Variants in MALRD1 observed in about 807,000 individuals in gnomAD.
MALRD1 encodes MAM and LDL-receptor class A domain-containing protein 1.
A neutral mutation model predicts 242.1 loss-of-function variants in MALRD1; 247 were observed. That is an observed-to-expected ratio of 1.02 (90% confidence interval 0.92 to 1.13). The LOEUF (loss-of-function observed/expected upper bound fraction) is 1.13. Among genes scored for constraint, MALRD1 ranks in the 50% most tolerant of loss-of-function variants. The pLI is 0.00. For synonymous variants in MALRD1, 995 were observed against 866.6 expected (o/e 1.15, Z -2.60); for missense variants, 2,989 against 2,533.1 (o/e 1.18, Z -3.86).
At chr10:19,553,971 T>A (rs991348162) in intron 32 of MALRD1, among the ~76,000 whole-genome samples, 7 of 152,206 alleles carry the variant, frequency 4.6e-5, no homozygotes, top group African/African-American at 1.7e-4. Flanking sequence ...GCTCCTATTA[T>A]GTGCCTGGCA....
At chr10:19,500,850 G>C (rs1837935336) in intron 31 of MALRD1, among the ~76,000 whole-genome samples, 1 of 152,002 alleles carries the variant, frequency 6.6e-6, no homozygotes, top group Non-Finnish European at 1.5e-5. Context: ...TCAAATGCCA[G>C]GCACTTGGCC....
intron 28 of MALRD1, 58 bp from the exon 29 acceptor site, chr10:19,450,249 C>A: frequency 7.0e-7 from 1 of 1,437,228 alleles, no homozygotes; most frequent in African/African-American, 1.4e-5. Flanking sequence ...TTGCCCCACA[C>A]TGCATCATCT....
chr10:19,650,804 C>T (rs1034619214), intron 36 of MALRD1, among the ~76,000 whole-genome samples: 3 of 152,172 alleles, frequency 2.0e-5, no homozygotes, highest in African/African-American at 7.2e-5. Context: ...CAATTCAGCT[C>T]AGGCTCTCCG....
At chr10:19,572,288 T>G (rs1242233010) in intron 33 of MALRD1, among the ~76,000 whole-genome samples, 1 of 152,196 alleles carries the variant, frequency 6.6e-6, no homozygotes, top group African/African-American at 2.4e-5. Flanking sequence ...CCATGTGAGT[T>G]TCCAAGAGAG....
intron 29 of MALRD1, among the ~76,000 whole-genome samples, chr10:19,457,817 T>A (rs1835737256): frequency 6.6e-6 from 1 of 151,522 alleles, no homozygotes; most frequent in African/African-American, 2.4e-5. Context: ...AATAGTAGAA[T>A]GTTTTAATAG....
rs1013431021 is a variant in MALRD1 at position 19,348,005 on chromosome 10, G to A, written c.4136G>A (p.Ser1379Asn). 37 of 1,549,844 alleles carry A rather than the reference G, an allele frequency of 2.4e-5. No individual in the cohort carries two copies. The highest frequency in any genetic ancestry group is 3.1e-5 in the Non-Finnish European group (35 of 1,146,658). ...TCAAGTCCAGTTATAAGTAAGAGAA[G>A]CAAAAACTGCAAGGTATGGGGAAAA... ...RISSPVISKR[S>N]KNCKIIFHYH... Residue 1379 changes from serine to asparagine, a missense_variant, in exon 25 of 40, where the codon AGC becomes AAC. Physicochemically the swap from Ser to Asn is conservative, Grantham distance 46. Transcript: ENST00000454679.
At chr10:19,507,700 A>G (rs1833204636) in intron 31 of MALRD1, among the ~76,000 whole-genome samples, 1 of 152,322 alleles carries the variant, frequency 6.6e-6, no homozygotes, top group African/African-American at 2.4e-5. Context: ...GGAGTTAATT[A>G]CTACCAATAG....
At chr10:19,191,802 A>C (rs1457592594) in intron 14 of MALRD1, among the ~76,000 whole-genome samples, 3 of 152,156 alleles carry the variant, frequency 2.0e-5, no homozygotes, top group Non-Finnish European at 2.9e-5. Context: ...GTTTGAGACC[A>C]GCATGGCCAA....
In MALRD1 at chr10:19,645,882, A is replaced by T. The variant is rs1840634218; in HGVS notation, c.6137+29959A>T. 5.3e-5 allele frequency among the ~76,000 whole-genome samples: 8 copies of T among 152,020 alleles called. No homozygotes were observed. In the South Asian group the frequency reaches 1.7e-3, roughly 32 times the overall value. Reference sequence around the variant, plus strand: ...ACCCTAAAACTTAAAGTATAATAATAAAAAAAAAGAAATGGATAGGAGTCA... The same window carrying T: ...ACCCTAAAACTTAAAGTATAATAATTAAAAAAAAGAAATGGATAGGAGTCA... On this transcript the variant is annotated intron_variant, in intron 36 of 39. Coordinates refer to ENST00000454679, the MANE Select transcript of MALRD1 (RefSeq NM_001142308.3).
At position 19,104,063 on chromosome 10, in the gene MALRD1, T is replaced by C. The variant is rs1836377557; in HGVS notation, c.682T>C (p.Leu228=). ...IDDISFSSGC[L]PANDGILLCQ... ...TGATATATCTTTCAGTTCAGGCTGC[T>C]TGCCTGCCAATGGTAAGAACTTTTT... Residue 228 remains leucine, a synonymous_variant, in exon 5 of 40, where the codon TTG becomes CTG. Transcript: ENST00000454679. 8.1e-7 allele frequency: 1 copy of C among 1,232,458 alleles called. No homozygotes were observed. The highest frequency in any genetic ancestry group is 1.0e-6 in the Non-Finnish European group (1 of 986,830). The allele number at this position is 1,232,458 out of a possible 1,614,324, so 76.3% of individuals were successfully genotyped here. A position where few individuals can be genotyped will look rare whatever the true frequency, so the allele number is the denominator to read the frequency against.
chr10:19,676,908 C>T (rs1168615146), intron 36 of MALRD1, among the ~76,000 whole-genome samples: 1 of 152,148 alleles, frequency 6.6e-6, no homozygotes, highest in East Asian at 1.9e-4. Flanking sequence ...TAAGTGAGAA[C>T]ATTCAGTGTT....
rs934895531 is a variant in MALRD1 at position 19,257,666 on chromosome 10, T to C, written c.2992-18T>C. The stretch of plus-strand genomic sequence containing the variant: ...ATAAACACATTTCTTATTTTTATTT[T>C]TTATTTTATTTTTTTAGATATTGGT... On this transcript the variant is annotated intron_variant, in intron 18 of 39. Coordinates refer to ENST00000454679, the MANE Select transcript of MALRD1 (RefSeq NM_001142308.3). 1.9e-5 allele frequency: 28 copies of C among 1,493,518 alleles called. No individual in the cohort carries two copies. The highest frequency in any genetic ancestry group is 2.2e-5 in the Non-Finnish European group (24 of 1,104,734). 92.5% of individuals were successfully genotyped at this position (1,493,518 alleles called of 1,614,324 possible). A position where few individuals can be genotyped will look rare whatever the true frequency, so the allele number is the denominator to read the frequency against.
At chr10:19,347,668 CA>C (rs1344842385) in intron 24 of MALRD1, 102 bp from the exon 25 acceptor site, 11 of 1,357,354 alleles carry the variant, frequency 8.1e-6, no homozygotes, top group Non-Finnish European at 1.1e-5. Context: ...ATGAAGGTTT[CA>C]AATATTACAT....
At chr10:19,368,655 T>A (rs1215717945) in intron 26 of MALRD1, among the ~76,000 whole-genome samples, 2 of 151,952 alleles carry the variant, frequency 1.3e-5, no homozygotes, top group Non-Finnish European at 2.9e-5. Context: ...GTGAAGAACG[T>A]CATTGATATT....
chr10:19,105,637 A>G (rs961606302), intron 5 of MALRD1, among the ~76,000 whole-genome samples: 4 of 151,972 alleles, frequency 2.6e-5, no homozygotes, highest in African/African-American at 9.7e-5. Context: ...ACTAATCTAC[A>G]TTTCTACCAA....
chr10:19,502,936 TATTA>T (rs1337385518), intron 31 of MALRD1, among the ~76,000 whole-genome samples: 20 of 142,366 alleles, frequency 1.4e-4, no homozygotes, highest in African/African-American at 5.0e-4. Context: ...TTATTAAGAG[TATTA>T]ATTTTTCTTT....
At chr10:19,126,374 C>T (rs1426562152) in intron 7 of MALRD1, among the ~76,000 whole-genome samples, 1 of 152,100 alleles carries the variant, frequency 6.6e-6, no homozygotes, top group Admixed American at 6.5e-5. Flanking sequence ...CACTCCATAA[C>T]CTGACTCCTC....
intron 32 of MALRD1, among the ~76,000 whole-genome samples, chr10:19,540,221 A>G (rs1173192986): frequency 6.6e-6 from 1 of 152,122 alleles, no homozygotes; most frequent in Non-Finnish European, 1.5e-5. Flanking sequence ...GTGCAAGAGG[A>G]TATTCTATTC....
chr10:19,442,556 T>C (rs1214240750), intron 28 of MALRD1, among the ~76,000 whole-genome samples: 2 of 152,188 alleles, frequency 1.3e-5, no homozygotes, highest in Non-Finnish European at 2.9e-5. Context: ...CAAAGGCCTT[T>C]TTTGCATCTA....
Sources: allele counts gnomAD v4.1 joint callset (sites outside exome capture counted in the v4.1 genomes callset), GRCh38; gene constraint gnomAD v4.1.1; transcripts MANE v1.5; gene names NCBI Gene and HGNC (gene_info 2026-07-23, HGNC 2026-07-21).